Variants in TYW1B observed in about 807,000 individuals in gnomAD.
TYW1B encodes S-adenosyl-L-methionine-dependent tRNA 4-demethylwyosine synthase TYW1B.
Under a neutral mutation model 86.9 loss-of-function variants are expected in TYW1B, and 73 were observed. The observed-to-expected ratio is 0.84, with a 90% CI of 0.70 to 1.02. TYW1B has a LOEUF of 1.02. Among genes scored for constraint, TYW1B ranks in the 50% least tolerant of loss-of-function variants. The pLI, the probability that TYW1B is intolerant of heterozygous loss-of-function variation, is 0.00. For synonymous variants in TYW1B, 248 were observed against 292.8 expected, an observed-to-expected ratio of 0.85 and a Z score of 1.56; for missense variants, 637 against 827.4, an observed-to-expected ratio of 0.77 and a Z score of 2.82.
intron 6 of TYW1B, among the ~76,000 whole-genome samples, chr7:72,798,112 C>T (rs1464670196): frequency 3.3e-5 from 5 of 151,790 alleles, no homozygotes; most frequent in Non-Finnish European, 7.4e-5. Context: ...ATCTTAAGTC[C>T]GTCTCAGCCG....
chr7:72,756,653 G>A (rs1585959606), intron 7 of TYW1B, among the ~76,000 whole-genome samples: 3 of 152,112 alleles, frequency 2.0e-5, no homozygotes, highest in Admixed American at 1.3e-4. Flanking sequence ...GAGGTGCTTC[G>A]TCACCAGGAA....
At position 72,718,607 on chromosome 7, in the gene TYW1B, G is replaced by A. The variant is rs554769571; in HGVS notation, c.1193-4809C>T. On this transcript the variant is annotated intron_variant, in intron 9 of 13. Transcript: ENST00000620995. ...AACTGCAATTGTAAGAATGTATTTC[G>A]TGTCAGTATTTTTGGATGGATGAAT... is the stretch of plus-strand genomic sequence containing the variant. Among the ~76,000 whole-genome samples the A allele has an allele frequency of 6.7e-3, 1,022 of 152,130 alleles. 14 individuals carry two copies. Among genetic ancestry groups the A allele is most frequent in the African/African-American group, 0.021 (880 of 41,522 alleles).
intron 11 of TYW1B, among the ~76,000 whole-genome samples, chr7:72,640,899 G>C (rs1450322631): frequency 6.6e-6 from 1 of 151,952 alleles, no homozygotes; most frequent in African/African-American, 2.4e-5. Context: ...AAACCAACAG[G>C]GTTAGGAAAG....
At chr7:72,671,031 G>T (rs1462891294) in intron 11 of TYW1B, among the ~76,000 whole-genome samples, 1 of 151,942 alleles carries the variant, frequency 6.6e-6, no homozygotes, top group Non-Finnish European at 1.5e-5. Flanking sequence ...TTTATTGAAC[G>T]TTTAATATCT....
intron 9 of TYW1B, among the ~76,000 whole-genome samples, chr7:72,716,962 C>A (rs1786799994): frequency 6.6e-6 from 1 of 151,706 alleles, no homozygotes; most frequent in African/African-American, 2.4e-5. Context: ...ACAGGGCAGT[C>A]CAGTGGCAGT....
chr7:72,703,014 ATATATATATATAT>A (rs1411822290), intron 10 of TYW1B, among the ~76,000 whole-genome samples: 15,056 of 48,414 alleles, frequency 0.31, 1,526 homozygotes, highest in African/African-American at 0.37. Flanking sequence ...ATATATATAT[ATATATATATATAT>A]TTTTTTTTTT....
intron 11 of TYW1B, among the ~76,000 whole-genome samples, chr7:72,648,083 C>A (rs1221886371): frequency 6.6e-6 from 1 of 151,796 alleles, no homozygotes; most frequent in African/African-American, 2.4e-5. Flanking sequence ...TATATCTACA[C>A]CAAAAAAATT....
intron 11 of TYW1B, 72 bp downstream of exon 11, chr7:72,694,615 T>C (rs1326060432): frequency 2.9e-6 from 4 of 1,379,648 alleles, no homozygotes; most frequent in Non-Finnish European, 3.8e-6. Flanking sequence ...TTTTCTTCCA[T>C]CTTTCTTTCT....
chr7:72,653,827 A>AT (rs1386751614), intron 11 of TYW1B, among the ~76,000 whole-genome samples: 1 of 152,120 alleles, frequency 6.6e-6, no homozygotes, highest in Admixed American at 6.5e-5. Flanking sequence ...CACGCCTGTG[A>AT]TCCCAGCACT....
chr7:72,784,319 T>C (rs782039024), intron 6 of TYW1B, among the ~76,000 whole-genome samples: 5 of 152,186 alleles, frequency 3.3e-5, no homozygotes, highest in Non-Finnish European at 5.9e-5. Context: ...CACAGACAGA[T>C]GGAGTCCAGG....
chr7:72,612,477 GA>G (rs1811957105), intron 13 of TYW1B, among the ~76,000 whole-genome samples: 1 of 152,218 alleles, frequency 6.6e-6, no homozygotes, highest in Non-Finnish European at 1.5e-5. Flanking sequence ...AGTCAATGGG[GA>G]AACTTTGGTA....
At chr7:72,786,944 A>G (rs1216649741) in intron 6 of TYW1B, among the ~76,000 whole-genome samples, 1 of 151,986 alleles carries the variant, frequency 6.6e-6, no homozygotes, top group Non-Finnish European at 1.5e-5. Flanking sequence ...TATCACATGC[A>G]TCATTTTCAG....
rs781921419 is a variant in TYW1B at position 72,713,629 on chromosome 7, C to A, written c.1362G>T (p.Ala454=). 1.8e-5 allele frequency: 29 copies of A among 1,613,268 alleles called. No homozygotes were observed. Among genetic ancestry groups the A allele is most frequent in the Non-Finnish European group, 2.5e-5 (29 of 1,179,622 alleles). ...TAGGCTGGAGAACTCACCTGATTTC[C>A]GCAGGAAATTGTGCATTTGTGACCA... The part of the protein sequence containing the change: ...SFLVTNAQFP[A]EIRNLEPVTQ... The change falls in exon 10 of 14, where the codon GCG becomes GCT. Residue 454 remains alanine (A), a synonymous_variant. Coordinates refer to ENST00000620995, the MANE Select transcript of TYW1B (RefSeq NM_001145440.3).
rs190137452 is a variant in TYW1B at position 72,685,572 on chromosome 7, T to C, written c.1506+9115A>G. Among the ~76,000 whole-genome samples, 79 of 151,248 alleles carry C rather than the reference T, an allele frequency of 5.2e-4. No individual in the cohort carries two copies. In the East Asian group the frequency reaches 0.014, roughly 26 times the overall value. On this transcript the variant is annotated intron_variant, in intron 11 of 13. Transcript: ENST00000620995. ...AATACAATGGGGAGAAGATAATTTT[T>C]TTCAACAAATAGTGCTGGAACTAGA... is the stretch of plus-strand genomic sequence containing the variant.
At chr7:72,575,846 A>T in intron 13 of TYW1B, 127 bp from the exon 14 acceptor site, 4 of 1,427,882 alleles carry the variant, frequency 2.8e-6, no homozygotes, top group Non-Finnish European at 3.7e-6. Flanking sequence ...AAAAACAAAA[A>T]CAAACACAAA....
intron 13 of TYW1B, among the ~76,000 whole-genome samples, chr7:72,610,868 T>A (rs1463572578): frequency 2.6e-5 from 4 of 152,170 alleles, no homozygotes; most frequent in African/African-American, 9.7e-5. Context: ...GAAACACAAA[T>A]CTTCACTGTG....
Position 72,810,682 on chromosome 7 carries a change from T to C in TYW1B, c.238-17A>G, listed in dbSNP as rs782479043. On this transcript the variant is annotated splice_polypyrimidine_tract_variant and intron_variant, in intron 3 of 13. Coordinates refer to ENST00000620995, the MANE Select transcript of TYW1B (RefSeq NM_001145440.3). ...ACTAGTCACCTAACCAAGAAAGTAATTGTTTCAGTGGAACATACAAGGCAT... is the reference window on the plus strand; with the variant it reads ...ACTAGTCACCTAACCAAGAAAGTAACTGTTTCAGTGGAACATACAAGGCAT... 1.6e-4 allele frequency: 259 copies of C among 1,588,044 alleles called. No individual in the cohort carries two copies. Among genetic ancestry groups the C allele is most frequent in the Non-Finnish European group, 2.1e-4 (245 of 1,166,560 alleles).
intron 7 of TYW1B, among the ~76,000 whole-genome samples, chr7:72,749,521 C>T (rs1395731477): frequency 6.6e-6 from 1 of 152,096 alleles, no homozygotes; most frequent in African/African-American, 2.4e-5. Context: ...CTCTATCTCC[C>T]AACCTCGTGA....
chr7:72,720,311 T>C (rs1401586116), intron 9 of TYW1B, among the ~76,000 whole-genome samples: 1 of 152,128 alleles, frequency 6.6e-6, no homozygotes, highest in Admixed American at 6.5e-5. Context: ...CACTCACAGT[T>C]CTGGGGAGAG....
Sources: allele counts gnomAD v4.1 joint callset (sites outside exome capture counted in the v4.1 genomes callset), GRCh38; gene constraint gnomAD v4.1.1; transcripts MANE v1.5; gene names NCBI Gene and HGNC (gene_info 2026-07-23, HGNC 2026-07-21).